The following LONRF1 variants were observed in gnomAD, a reference collection of about 807,000 sequenced individuals.
LONRF1 encodes LON peptidase N-terminal domain and RING finger protein 1.
LONRF1 carries 37 observed loss-of-function variants against 85.8 expected under a neutral mutation model. The ratio of observed to expected loss-of-function variants is 0.43; its 90% CI spans 0.33 to 0.57. LONRF1 has a LOEUF of 0.57. Among genes scored for constraint, LONRF1 ranks in the 20% least tolerant of loss-of-function variants. The pLI, the probability that LONRF1 is intolerant of heterozygous loss-of-function variation, is 0.04. For synonymous variants in LONRF1, 517 were observed against 390.1 expected (o/e 1.33, Z -3.83); for missense variants, 1,036 against 978.0 (o/e 1.06, Z -0.79).
At chr8:12,731,632 G>T in intron 8 of LONRF1, 104 bp downstream of exon 8, 1 of 951,606 alleles carries the variant, frequency 1.1e-6, no homozygotes, top group Non-Finnish European at 1.6e-6. Context: ...AATACTTCTT[G>T]ACTAGACTGA....
chr8:12,737,205 A>T (rs1166719710), intron 4 of LONRF1, 65 bp from the exon 5 acceptor site: 30 of 1,562,322 alleles, frequency 1.9e-5, no homozygotes, highest in Non-Finnish European at 2.5e-5. Flanking sequence ...TCTCACCAAG[A>T]ATCAAACTGA....
At chr8:12,754,381 G>A in intron 1 of LONRF1, 1 of 231,282 alleles carries the variant, frequency 4.3e-6, no homozygotes, top group Non-Finnish European at 8.4e-6. Context: ...GCGCCGGGGC[G>A]GCCTCGGTCC....
At position 12,741,031 on chromosome 8, in the gene LONRF1, T is replaced by G. The variant is rs751710320; in HGVS notation, c.841-35A>C. 6.2e-6 allele frequency: 10 copies of G among 1,601,974 alleles called. No homozygotes were observed. In the South Asian group the frequency reaches 1.0e-4, roughly 16 times the overall value. On this transcript the variant is annotated intron_variant, in intron 2 of 11. Transcript: ENST00000398246. Reference sequence around the variant, plus strand: ...AAGCAGATATATAAAACCTTTGTGTTAAGAATTGCTTTTTAAAAAATCATT... The same window carrying G: ...AAGCAGATATATAAAACCTTTGTGTGAAGAATTGCTTTTTAAAAAATCATT...
chr8:12,740,741 A>G (rs1798900538), intron 3 of LONRF1, 133 bp downstream of exon 3: 4 of 1,162,496 alleles, frequency 3.4e-6, no homozygotes, highest in African/African-American at 3.1e-5. Flanking sequence ...AAACCACTCA[A>G]ATTATCACAT....
chr8:12,752,957 C>T (rs561651211), intron 1 of LONRF1: 2 of 152,366 alleles, frequency 1.3e-5, no homozygotes, highest in African/African-American at 4.8e-5. Flanking sequence ...GCCTCTCTAC[C>T]AGTTAACAGT....
chr8:12,754,245 C>G (rs1799533752), intron 1 of LONRF1: 1 of 154,420 alleles, frequency 6.5e-6, no homozygotes, highest in Admixed American at 6.5e-5. Flanking sequence ...GTTGCCCTCG[C>G]GGGGGATTCT....
chr8:12,728,793 C>G lies in LONRF1; in HGVS notation c.2010+108G>C, dbSNP rs1475652412. ...GCACATTCTCATCACAGTGGTAAGGCTGTCTGATAAGAACTGGTTCATGCA... is the reference window on the plus strand; with the variant it reads ...GCACATTCTCATCACAGTGGTAAGGGTGTCTGATAAGAACTGGTTCATGCA... On this transcript the variant is annotated intron_variant, in intron 10 of 11. Coordinates refer to ENST00000398246, the MANE Select transcript of LONRF1 (RefSeq NM_152271.5). 4.1e-6 allele frequency: 5 copies of G among 1,227,590 alleles called. No homozygotes were observed. The East Asian group carries it at 7.0e-5, about 17-fold the overall frequency. 76.0% of individuals were successfully genotyped at this position (1,227,590 alleles called of 1,614,324 possible).
At chr8:12,737,474 T>C (rs1055858045) in intron 4 of LONRF1, 6 of 411,532 alleles carry the variant, frequency 1.5e-5, no homozygotes, top group Non-Finnish European at 2.8e-5. Context: ...TACATTGTAT[T>C]AGGTATTATA....
chr8:12,728,513 T>C (rs1470166247), intron 10 of LONRF1, among the ~76,000 whole-genome samples: 1 of 152,238 alleles, frequency 6.6e-6, no homozygotes, highest in Non-Finnish European at 1.5e-5. Context: ...CAACTACTAA[T>C]ACATTCAATA....
chr8:12,754,622 A>G lies in LONRF1; in HGVS notation c.721+78T>C, dbSNP rs1413971094. The G allele has an allele frequency of 3.2e-6, 4 of 1,237,506 alleles. No individual in the cohort carries two copies. The East Asian group carries it at 1.4e-4, about 42-fold the overall frequency. 76.7% of individuals were successfully genotyped at this position (1,237,506 alleles called of 1,614,324 possible). Reference sequence around the variant, plus strand: ...GAAGCAGAGGAGACTCTCGGGGCGCAGACAAGCTCCGGGTCCCCGGCCCTC... The same window carrying G: ...GAAGCAGAGGAGACTCTCGGGGCGCGGACAAGCTCCGGGTCCCCGGCCCTC... On this transcript the variant is annotated intron_variant, in intron 1 of 11. Coordinates refer to ENST00000398246, the MANE Select transcript of LONRF1 (RefSeq NM_152271.5).
chr8:12,729,471 T>C (rs2117239970), intron 8 of LONRF1, 139 bp from the exon 9 acceptor site: 2 of 807,238 alleles, frequency 2.5e-6, no homozygotes, highest in Admixed American at 6.1e-5. Flanking sequence ...AGGTGGTTTT[T>C]ATTCTTGGCA....
At position 12,755,347 on chromosome 8, in the gene LONRF1, C is replaced by A; in HGVS notation, c.74G>T (p.Gly25Val). Residue 25 changes from glycine (G) to valine (V), a missense_variant, in exon 1 of 12, where the codon GGC becomes GTC. Transcript: ENST00000398246. Reference sequence around the variant, plus strand: ...GCCGCCGCCCACTTCCCAGAACCGGCCTCGGCCCTGCGGCGCTGGGGCCAT... The same window carrying A: ...GCCGCCGCCCACTTCCCAGAACCGGACTCGGCCCTGCGGCGCTGGGGCCAT... ...REMAPAPQGR[G>V]RFWEVGGGSG... 2 of 1,238,176 alleles carry A rather than the reference C, an allele frequency of 1.6e-6. No homozygotes were observed. The highest frequency in any genetic ancestry group is 1.0e-6 in the Non-Finnish European group (1 of 987,450). The allele number at this position is 1,238,176 out of a possible 1,614,324, so 76.7% of individuals were successfully genotyped here.
intron 7 of LONRF1, among the ~76,000 whole-genome samples, chr8:12,734,424 C>T (rs756650211): frequency 6.6e-6 from 1 of 151,996 alleles, no homozygotes; most frequent in Admixed American, 6.6e-5. Context: ...TTTTTTTAAG[C>T]AATCCTGTCA....
intron 1 of LONRF1, chr8:12,753,071 T>G (rs1006591909): frequency 6.6e-6 from 1 of 152,230 alleles, no homozygotes; most frequent in Non-Finnish European, 1.5e-5. Flanking sequence ...CCAGTTTCTC[T>G]TCTCTTTATT....
chr8:12,746,161 A>C (rs1236768730), intron 1 of LONRF1, among the ~76,000 whole-genome samples: 1 of 152,128 alleles, frequency 6.6e-6, no homozygotes, highest in Non-Finnish European at 1.5e-5. Context: ...AGGCTCCCCA[A>C]ATCTCTAATA....
intron 10 of LONRF1, among the ~76,000 whole-genome samples, chr8:12,728,276 C>T (rs1047208128): frequency 3.3e-5 from 5 of 152,136 alleles, no homozygotes; most frequent in African/African-American, 1.2e-4. Context: ...CACATTAACC[C>T]TATTCTAGAA....
At chr8:12,737,357 C>A (rs1798760011) in intron 4 of LONRF1, 1 of 694,048 alleles carries the variant, frequency 1.4e-6, no homozygotes, top group African/African-American at 1.8e-5. Context: ...GTGGGTTCAT[C>A]CAACTGGGGA....
At chr8:12,741,469 TG>T (rs1288171754) in intron 2 of LONRF1, among the ~76,000 whole-genome samples, 2 of 152,178 alleles carry the variant, frequency 1.3e-5, no homozygotes, top group African/African-American at 4.8e-5. Flanking sequence ...CACACCACCC[TG>T]GAGAAGCACT....
intron 3 of LONRF1, among the ~76,000 whole-genome samples, chr8:12,740,479 C>A (rs988099017): frequency 6.6e-6 from 1 of 151,984 alleles, no homozygotes; most frequent in Non-Finnish European, 1.5e-5. Flanking sequence ...TAAGGCAAAA[C>A]AAGTGGACTG....
Sources: gnomAD v4.1 joint callset for allele counts (sites outside exome capture counted in the v4.1 genomes callset) on GRCh38, gnomAD v4.1.1 for gene constraint, MANE v1.5 for transcripts, NCBI Gene and HGNC (gene_info 2026-07-23, HGNC 2026-07-21) for gene names.